LRRTM3: variants seen among roughly 807,000 people sequenced by gnomAD.
The protein encoded by LRRTM3 is leucine-rich repeat transmembrane neuronal protein 3.
A neutral mutation model predicts 44.7 loss-of-function variants in LRRTM3; 24 were observed. The ratio of observed to expected loss-of-function variants is 0.54; its 90% CI spans 0.39 to 0.76. The LOEUF (loss-of-function observed/expected upper bound fraction) is 0.76, where lower values mean the gene tolerates loss of function less well. LRRTM3 is among the 30% of genes least tolerant of loss of function. LRRTM3 has a pLI of 0.00. For synonymous variants in LRRTM3, 277 were observed against 278.7 expected (o/e 0.99, Z 0.06); for missense variants, 587 against 702.2 (o/e 0.84, Z 1.85).
At chr10:67,061,717 T>G (rs1357713622) in intron 2 of LRRTM3, among the ~76,000 whole-genome samples, 1 of 152,204 alleles carries the variant, frequency 6.6e-6, no homozygotes, top group Non-Finnish European at 1.5e-5. Flanking sequence ...TCAGCAGTTG[T>G]GTGCATATTC....
At chr10:66,962,341 A>G (rs571136352) in intron 2 of LRRTM3, among the ~76,000 whole-genome samples, 20 of 152,088 alleles carry the variant, frequency 1.3e-4, no homozygotes, top group Admixed American at 2.0e-4. Context: ...CCTTCTGCCT[A>G]TAATACTCTT....
At chr10:67,005,385 T>C (rs1483299932) in intron 2 of LRRTM3, among the ~76,000 whole-genome samples, 1 of 152,134 alleles carries the variant, frequency 6.6e-6, no homozygotes, top group East Asian at 1.9e-4. Context: ...GCAGACATTC[T>C]CTATCTCAGT....
At chr10:66,963,327 T>C (rs1027921984) in intron 2 of LRRTM3, among the ~76,000 whole-genome samples, 4 of 152,174 alleles carry the variant, frequency 2.6e-5, no homozygotes, top group Admixed American at 6.5e-5. Context: ...ACTGGGAAAT[T>C]ATTTACCTCT....
Position 66,926,440 on chromosome 10 carries a change from G to C in LRRTM3, c.-144G>C, listed in dbSNP as rs901831309. 6 of 796,684 alleles carry C rather than the reference G, an allele frequency of 7.5e-6. No individual in the cohort carries two copies. The highest frequency in any genetic ancestry group is 6.9e-5 in the African/African-American group (4 of 57,558). 49.4% of individuals were successfully genotyped at this position (796,684 alleles called of 1,614,324 possible). ...TGGCAAAGAATAATGTTCCAAAATC[G>C]GTCCATCTCCCAAGGGGTCCAATTT... On this transcript the variant is annotated 5_prime_UTR_variant, in exon 1 of 3. Transcript: ENST00000361320.
intron 2 of LRRTM3, among the ~76,000 whole-genome samples, chr10:67,045,600 G>A (rs1031651381): frequency 6.6e-6 from 1 of 152,156 alleles, no homozygotes; most frequent in Non-Finnish European, 1.5e-5. Flanking sequence ...TGACGGGCAA[G>A]GGGGCAGCTG....
At chr10:66,968,009 C>A (rs2132812036) in intron 2 of LRRTM3, among the ~76,000 whole-genome samples, 1 of 152,070 alleles carries the variant, frequency 6.6e-6, no homozygotes, top group East Asian at 1.9e-4. Flanking sequence ...ATATAAAAGT[C>A]TAAGTCTATA....
intron 2 of LRRTM3, among the ~76,000 whole-genome samples, chr10:67,079,239 T>C (rs1272022452): frequency 6.6e-6 from 1 of 152,196 alleles, no homozygotes; most frequent in Non-Finnish European, 1.5e-5. Context: ...AGAAACTCTG[T>C]GTTATAGAAC....
chr10:67,090,606 T>A (rs1264121643), intron 2 of LRRTM3, among the ~76,000 whole-genome samples: 1 of 152,110 alleles, frequency 6.6e-6, no homozygotes, highest in Non-Finnish European at 1.5e-5. Flanking sequence ...AAGTCTTCCT[T>A]TTCTCAACTG....
At chr10:67,093,843 G>C (rs1857809314) in intron 2 of LRRTM3, among the ~76,000 whole-genome samples, 1 of 151,746 alleles carries the variant, frequency 6.6e-6, no homozygotes, top group African/African-American at 2.4e-5. Context: ...TCAAATTATG[G>C]CACTAACACA....
intron 2 of LRRTM3, among the ~76,000 whole-genome samples, chr10:67,063,454 G>T (rs1289583010): frequency 6.6e-6 from 1 of 152,168 alleles, no homozygotes. Flanking sequence ...AGTACTCCAA[G>T]TTCCAACAGT....
chr10:67,097,623 T>G lies in LRRTM3; in HGVS notation c.1573T>G (p.Tyr525Asp). The change falls in exon 3 of 3, where the codon TAC becomes GAC. Residue 525 changes from tyrosine to aspartate, a missense_variant. Physicochemically the swap from Tyr to Asp is radical, Grantham distance 160 (BLOSUM62 -3). This residue lies in a region of LRRTM3 where 315 missense variants were observed against 335.6 expected (regional missense o/e 0.94). Transcript: ENST00000361320. Reference protein sequence around the residue: ...LSMNVSTFLAYDQPTISYCGV... With the variant: ...LSMNVSTFLADDQPTISYCGV... ...AATGAATGTGTCAACCTTTCTGGCA[T>G]ACGACCAGCCCACAATAAGTTACTG... 6.2e-7 allele frequency: 1 copy of G among 1,612,546 alleles called. No homozygotes were observed. The highest frequency in any genetic ancestry group is 8.5e-7 in the Non-Finnish European group (1 of 1,178,916).
intron 2 of LRRTM3, among the ~76,000 whole-genome samples, chr10:66,954,392 G>A (rs903609193): frequency 6.6e-5 from 10 of 152,106 alleles, no homozygotes; most frequent in African/African-American, 2.4e-4. Flanking sequence ...GACTGCAGAG[G>A]AGAAATAAAA....
intron 2 of LRRTM3, among the ~76,000 whole-genome samples, chr10:66,951,088 TACACAC>T (rs3056558): frequency 0.27 from 39,316 of 146,008 alleles, 5,359 homozygotes; most frequent in Middle Eastern, 0.32. Flanking sequence ...TAACATTAAA[TACACAC>T]ACACACACAC....
rs574148857 is a variant in LRRTM3 at position 66,977,137 on chromosome 10, G to A, written c.1536+48685G>A. ...AAGATTTGTTTAAAGGACCTATAAT[G>A]GGTAGAATATATAAAGGTTGGCCGG... On this transcript the variant is annotated intron_variant, in intron 2 of 2. Transcript: ENST00000361320. Among the ~76,000 whole-genome samples the A allele has an allele frequency of 2.5e-4, 38 of 152,112 alleles. No homozygotes were observed. The South Asian group carries it at 7.9e-3, about 32-fold the overall frequency.
intron 2 of LRRTM3, among the ~76,000 whole-genome samples, chr10:66,968,616 A>G (rs1411219622): frequency 1.3e-5 from 2 of 152,134 alleles, no homozygotes; most frequent in Admixed American, 1.3e-4. Flanking sequence ...CAGAGAAAAG[A>G]CACTCAATAC....
At chr10:67,001,106 TC>T (rs1851658193) in intron 2 of LRRTM3, among the ~76,000 whole-genome samples, 1 of 151,456 alleles carries the variant, frequency 6.6e-6, no homozygotes, top group African/African-American at 2.4e-5. Context: ...ATCGAGACCA[TC>T]CTGGCCAACA....
chr10:66,975,963 A>C (rs2132850971), intron 2 of LRRTM3, among the ~76,000 whole-genome samples: 1 of 152,352 alleles, frequency 6.6e-6, no homozygotes. Flanking sequence ...ATAACTGCTT[A>C]ACATGCTACT....
At chr10:66,944,000 G>A (rs1035403328) in intron 2 of LRRTM3, among the ~76,000 whole-genome samples, 3 of 152,166 alleles carry the variant, frequency 2.0e-5, no homozygotes, top group Non-Finnish European at 4.4e-5. Context: ...ACAGATCAGG[G>A]TGGTGGTTGC....
intron 2 of LRRTM3, among the ~76,000 whole-genome samples, chr10:66,956,061 G>C (rs1848776282): frequency 1.3e-5 from 2 of 152,084 alleles, no homozygotes; most frequent in Non-Finnish European, 2.9e-5. Context: ...TAGAGCTATG[G>C]CATTTGGTTT....
Sources: allele counts gnomAD v4.1 joint callset (sites outside exome capture counted in the v4.1 genomes callset), GRCh38; gene constraint gnomAD v4.1.1; regional missense constraint gnomAD v4.1.1; transcripts MANE v1.5; gene names NCBI Gene and HGNC (gene_info 2026-07-23, HGNC 2026-07-21).